Variants in FBXW8 observed in about 807,000 individuals in gnomAD.
FBXW8 encodes the protein F-box and WD repeat domain containing 8.
Under a neutral mutation model 65.3 loss-of-function variants are expected in FBXW8, and 57 were observed. The observed-to-expected ratio is 0.87, with a 90% CI of 0.71 to 1.09. FBXW8 has a LOEUF of 1.09. Among genes scored for constraint, FBXW8 ranks in the 50% least tolerant of loss-of-function variants. The pLI is 0.00. For synonymous variants in FBXW8, 308 were observed against 330.2 expected, an observed-to-expected ratio of 0.93 and a Z score of 0.73; for missense variants, 777 against 814.8, an observed-to-expected ratio of 0.95 and a Z score of 0.57.
At chr12:117,019,963 G>A (rs779139919) in intron 8 of FBXW8, among the ~76,000 whole-genome samples, 1 of 152,192 alleles carries the variant, frequency 6.6e-6, no homozygotes, top group African/African-American at 2.4e-5. Flanking sequence ...CCTAGAGGGC[G>A]AAGCGCACCC....
chr12:117,009,396 C>T (rs913218673), intron 7 of FBXW8, among the ~76,000 whole-genome samples: 2 of 151,920 alleles, frequency 1.3e-5, no homozygotes, highest in African/African-American at 4.8e-5. Flanking sequence ...TGTTCCCCCA[C>T]CCCCTCAAAA....
At chr12:116,929,580 CAAAT>C (rs772519177) in intron 2 of FBXW8, among the ~76,000 whole-genome samples, 2 of 152,170 alleles carry the variant, frequency 1.3e-5, no homozygotes, top group Non-Finnish European at 2.9e-5. Flanking sequence ...TTTAAATGGA[CAAAT>C]AAAGTTATAT....
chr12:116,982,104 A>G (rs1442414660), intron 5 of FBXW8, among the ~76,000 whole-genome samples: 1 of 152,236 alleles, frequency 6.6e-6, no homozygotes, highest in African/African-American at 2.4e-5. Flanking sequence ...TAAAAAAGGC[A>G]ACAAAAGAGG....
intron 5 of FBXW8, among the ~76,000 whole-genome samples, chr12:116,966,596 C>G (rs1403977255): frequency 2.0e-5 from 3 of 152,160 alleles, no homozygotes; most frequent in Non-Finnish European, 4.4e-5. Flanking sequence ...CTTGAAAATA[C>G]AGCTTGAGGT....
At chr12:116,959,654 C>G (rs1883862044) in intron 4 of FBXW8, among the ~76,000 whole-genome samples, 1 of 152,096 alleles carries the variant, frequency 6.6e-6, no homozygotes, top group East Asian at 1.9e-4. Flanking sequence ...TCTTCTAGTC[C>G]CTTAGTCCAA....
intron 5 of FBXW8, among the ~76,000 whole-genome samples, chr12:116,966,493 G>A (rs1371760054): frequency 3.3e-5 from 5 of 152,118 alleles, no homozygotes; most frequent in African/African-American, 7.2e-5. Context: ...GCCGTGCTGC[G>A]GTGGTCGTGC....
chr12:117,010,572 C>A (rs1165080507), intron 8 of FBXW8, 122 bp downstream of exon 8: 5 of 1,318,978 alleles, frequency 3.8e-6, no homozygotes, highest in Non-Finnish European at 5.3e-6. Flanking sequence ...AGTTCAGCCC[C>A]GATCCCATAA....
intron 5 of FBXW8, among the ~76,000 whole-genome samples, chr12:116,968,694 C>T (rs1005100316): frequency 6.6e-6 from 1 of 152,152 alleles, no homozygotes; most frequent in African/African-American, 2.4e-5. Context: ...GAGAGTGTGC[C>T]CGCTTCCTCA....
chr12:116,985,082 G>A, intron 5 of FBXW8, 124 bp from the exon 6 acceptor site: 3 of 714,196 alleles, frequency 4.2e-6, no homozygotes, highest in Middle Eastern at 4.0e-4. Context: ...TTCGTGTTTA[G>A]ACTTGGGTCT....
intron 4 of FBXW8, chr12:116,950,062 A>G: frequency 4.4e-6 from 1 of 229,496 alleles, no homozygotes; most frequent in Non-Finnish European, 8.7e-6. Flanking sequence ...GTTGGCACAG[A>G]CAGGCCCTGT....
At chr12:116,998,820 T>TAGG (rs1218376659) in intron 7 of FBXW8, among the ~76,000 whole-genome samples, 1 of 152,110 alleles carries the variant, frequency 6.6e-6, no homozygotes, top group Non-Finnish European at 1.5e-5. Context: ...TGGGGCAGAG[T>TAGG]AGGAGCAAGA....
At chr12:117,026,043 T>C (rs1488938853) in intron 9 of FBXW8, among the ~76,000 whole-genome samples, 2 of 152,220 alleles carry the variant, frequency 1.3e-5, no homozygotes, top group Non-Finnish European at 2.9e-5. Context: ...TGCCCAGAAC[T>C]CACTGACTTG....
At position 116,922,720 on chromosome 12, in the gene FBXW8, T is replaced by C. The variant is rs1880998302; in HGVS notation, c.319-5303T>C. On this transcript the variant is annotated intron_variant, in intron 1 of 10. Coordinates refer to ENST00000652555, the MANE Select transcript of FBXW8 (RefSeq NM_153348.3). ...CTCTTTGCAATTTCTCTCAGTGTTT[T>C]TGGAGTAAGTCCAGTAGACTTTGGG... is the stretch of plus-strand genomic sequence containing the variant. 9.2e-5 allele frequency among the ~76,000 whole-genome samples: 14 copies of C among 152,358 alleles called. No individual in the cohort carries two copies. The South Asian group carries it at 2.9e-3, about 32-fold the overall frequency.
intron 1 of FBXW8, among the ~76,000 whole-genome samples, chr12:116,916,958 ATACAG>A: frequency 6.6e-6 from 1 of 152,148 alleles, no homozygotes; most frequent in Non-Finnish European, 1.5e-5. Flanking sequence ...ATGAGTCATC[ATACAG>A]CAGCTTAGCT....
chr12:117,020,451 C>T (rs61207925), intron 8 of FBXW8, among the ~76,000 whole-genome samples: 7,165 of 152,268 alleles, frequency 0.047, 415 homozygotes, highest in African/African-American at 0.13. Context: ...TGTTTTTCTC[C>T]TTCCGGAACT....
At chr12:116,924,816 A>G (rs910023858) in intron 1 of FBXW8, among the ~76,000 whole-genome samples, 7 of 152,206 alleles carry the variant, frequency 4.6e-5, no homozygotes, top group African/African-American at 7.2e-5. Context: ...ATATGCTCAC[A>G]ACTCTGCCTC....
intron 4 of FBXW8, among the ~76,000 whole-genome samples, chr12:116,958,953 G>A (rs1278215756): frequency 5.9e-5 from 9 of 152,220 alleles, no homozygotes; most frequent in African/African-American, 2.2e-4. Flanking sequence ...GAAACCATTT[G>A]CTGTTCCTGG....
chr12:116,931,989 G>A (rs1881805537), intron 2 of FBXW8, among the ~76,000 whole-genome samples: 3 of 151,922 alleles, frequency 2.0e-5, no homozygotes, highest in African/African-American at 7.3e-5. Flanking sequence ...GTCACATGTG[G>A]CCTTTATTGT....
At chr12:116,996,739 G>A (rs775916512) in intron 7 of FBXW8, among the ~76,000 whole-genome samples, 2 of 152,172 alleles carry the variant, frequency 1.3e-5, no homozygotes, top group Non-Finnish European at 2.9e-5. Flanking sequence ...GGGCTGTTGA[G>A]TGATGCTGAC....
Sources: gnomAD v4.1 joint callset for allele counts (sites outside exome capture counted in the v4.1 genomes callset) on GRCh38, gnomAD v4.1.1 for gene constraint, MANE v1.5 for transcripts, NCBI Gene and HGNC (gene_info 2026-07-23, HGNC 2026-07-21) for gene names.